Variants in PLXNA2 observed in about 807,000 individuals in gnomAD.
PLXNA2 encodes the protein plexin A2, also known as plexin-A2.
In PLXNA2, 91 loss-of-function variants were observed where a neutral mutation model predicts 193.5. The observed-to-expected ratio is 0.47, with a 90% CI of 0.40 to 0.56. The LOEUF is 0.56. PLXNA2 is among the 20% of genes least tolerant of loss of function. The pLI is 0.00. For missense variants in PLXNA2, 1,995 were observed against 2,503.2 expected (o/e 0.80, Z 4.33); for synonymous variants, 997 against 1,027.3 (o/e 0.97, Z 0.56).
Position 208,206,766 on chromosome 1 carries a change from G to GTT in PLXNA2, c.1371+3512_1371+3513dup, listed in dbSNP as rs896776741. 3.6e-3 allele frequency among the ~76,000 whole-genome samples: 417 copies of GTT among 116,680 alleles called. 1 individual carries two copies. The highest frequency in any genetic ancestry group is 5.6e-3 in the African/African-American group (172 of 30,470). 76.5% of individuals were successfully genotyped at this position (116,680 alleles called of 152,430 possible). On this transcript the variant is annotated intron_variant, in intron 3 of 31. Transcript: ENST00000367033. ...AGCTTATGCAGCATTGCACATATAG[G>GTT]TTTTTTTTTTTTTTTTTTTTTTGAG... is the stretch of plus-strand genomic sequence containing the variant.
Position 208,028,197 on chromosome 1 carries a change from A to G in PLXNA2, c.5439-38T>C, listed in dbSNP as rs1207250721. Reference sequence around the variant, plus strand: ...GGATAGGCGCCTTGGTGGAGGCCTCAGCAAACATTTACCTATAGCTACCCC... The same window carrying G: ...GGATAGGCGCCTTGGTGGAGGCCTCGGCAAACATTTACCTATAGCTACCCC... On this transcript the variant is annotated intron_variant, in intron 30 of 31. Coordinates refer to ENST00000367033, the MANE Select transcript of PLXNA2 (RefSeq NM_025179.4). The surrounding 1 kb of genome is among the most constrained non-coding windows in gnomAD (Gnocchi z 4.2). 1 of 1,566,822 alleles carries G rather than the reference A, an allele frequency of 6.4e-7. No individual in the cohort carries two copies. Among genetic ancestry groups the G allele is most frequent in the Non-Finnish European group, 8.7e-7 (1 of 1,154,214 alleles).
chr1:208,179,896 C>G (rs1669781668), intron 3 of PLXNA2, among the ~76,000 whole-genome samples: 1 of 152,170 alleles, frequency 6.6e-6, no homozygotes, highest in South Asian at 2.1e-4. Context: ...CCTAAGGCAT[C>G]TTTCTTACTC....
At chr1:208,155,477 C>T (rs939996163) in intron 3 of PLXNA2, among the ~76,000 whole-genome samples, 5 of 152,216 alleles carry the variant, frequency 3.3e-5, no homozygotes, top group African/African-American at 4.8e-5. Flanking sequence ...CCCACACCCC[C>T]ACTCTTCTAG....
intron 1 of PLXNA2, among the ~76,000 whole-genome samples, chr1:208,228,443 GCCTTCC>G (rs1444600939): frequency 6.6e-6 from 1 of 152,062 alleles, no homozygotes; most frequent in Non-Finnish European, 1.5e-5. Context: ...CACCATCCAG[GCCTTCC>G]TCTGAGATGG....
intron 13 of PLXNA2, among the ~76,000 whole-genome samples, chr1:208,055,248 C>T (rs989185292): frequency 7.2e-5 from 11 of 152,136 alleles, no homozygotes; most frequent in Admixed American, 2.6e-4. Flanking sequence ...CTCACACTAA[C>T]GGGAGAGCTG....
At chr1:208,107,835 G>A (rs975732144) in intron 4 of PLXNA2, among the ~76,000 whole-genome samples, 2 of 152,028 alleles carry the variant, frequency 1.3e-5, no homozygotes, top group African/African-American at 4.8e-5. Flanking sequence ...TACAATGGGA[G>A]GCCCTTCTCC....
intron 3 of PLXNA2, among the ~76,000 whole-genome samples, chr1:208,153,267 T>C (rs1287329930): frequency 6.6e-6 from 1 of 152,086 alleles, no homozygotes; most frequent in African/African-American, 2.4e-5. Context: ...CCTAATGGGG[T>C]AGGCGCTACT....
intron 4 of PLXNA2, among the ~76,000 whole-genome samples, chr1:208,138,780 A>C (rs1359480663): frequency 6.6e-6 from 1 of 152,228 alleles, no homozygotes; most frequent in Non-Finnish European, 1.5e-5. Flanking sequence ...TAATCCCAGC[A>C]CTTTGGGAGG....
intron 4 of PLXNA2, among the ~76,000 whole-genome samples, chr1:208,121,612 A>G (rs1667809724): frequency 6.6e-6 from 1 of 152,050 alleles, no homozygotes; most frequent in Non-Finnish European, 1.5e-5. Flanking sequence ...GGTGCCTTCC[A>G]CCATGATTGT....
At chr1:208,036,166 A>G (rs1441269764) in intron 26 of PLXNA2, among the ~76,000 whole-genome samples, 1 of 152,088 alleles carries the variant, frequency 6.6e-6, no homozygotes, top group African/African-American at 2.4e-5. Flanking sequence ...GGCAGTCTCT[A>G]CCTCCGTCTT....
intron 5 of PLXNA2, among the ~76,000 whole-genome samples, chr1:208,100,728 G>C (rs1333651709): frequency 1.3e-5 from 2 of 152,224 alleles, no homozygotes; most frequent in African/African-American, 4.8e-5. Context: ...GACAGACAAG[G>C]CGCTGCAGCC....
At chr1:208,185,361 G>A (rs1486474224) in intron 3 of PLXNA2, among the ~76,000 whole-genome samples, 2 of 152,144 alleles carry the variant, frequency 1.3e-5, no homozygotes, top group Non-Finnish European at 2.9e-5. Context: ...GCCTCTCCTC[G>A]CTGCAGAGCT....
At chr1:208,043,317 G>A in intron 20 of PLXNA2, 114 bp from the exon 21 acceptor site, 1 of 953,654 alleles carries the variant, frequency 1.0e-6, no homozygotes, top group Non-Finnish European at 1.6e-6. Context: ...AGACTCTGAG[G>A]ATTACGGGAG....
Position 208,202,559 on chromosome 1 carries a change from C to A in PLXNA2, c.1371+7721G>T, listed in dbSNP as rs149922320. 2.8e-4 allele frequency among the ~76,000 whole-genome samples: 43 copies of A among 152,216 alleles called. No homozygotes were observed. In the East Asian group the frequency reaches 6.4e-3, roughly 23 times the overall value. ...CCTACCCGAAGGCAGGAGAGTGGAC[C>A]AGGTGGTCTTTGTAAGTCCCTTCCG... On this transcript the variant is annotated intron_variant, in intron 3 of 31. Transcript: ENST00000367033.
chr1:208,072,082 A>C (rs1665995528), intron 12 of PLXNA2, among the ~76,000 whole-genome samples: 1 of 152,224 alleles, frequency 6.6e-6, no homozygotes, highest in Non-Finnish European at 1.5e-5. Context: ...TTAAGGTATC[A>C]AAAATTATTT....
Position 208,159,899 on chromosome 1 carries a change from AT to A in PLXNA2, c.1372-17437del, listed in dbSNP as rs567850728. 4.3e-3 allele frequency among the ~76,000 whole-genome samples: 661 copies of A among 151,982 alleles called. 1 individual carries two copies. The highest frequency in any genetic ancestry group is 0.014 in the Middle Eastern group (4 of 294). On this transcript the variant is annotated intron_variant, in intron 3 of 31. Transcript: ENST00000367033. ...GGGCTGGTGGGCTGGCACTTGGGGG[AT>A]TTTACAGCCTGCTGGTTGAGGTGCC...
intron 3 of PLXNA2, among the ~76,000 whole-genome samples, chr1:208,180,223 G>T (rs111370584): frequency 6.6e-6 from 1 of 151,968 alleles, no homozygotes; most frequent in African/African-American, 2.4e-5. Flanking sequence ...GCTGGGAAAG[G>T]GGGTGGAGTG....
chr1:208,139,913 T>A (rs1175478672), intron 4 of PLXNA2, among the ~76,000 whole-genome samples: 1 of 152,176 alleles, frequency 6.6e-6, no homozygotes, highest in Non-Finnish European at 1.5e-5. Flanking sequence ...TTTACGGCTC[T>A]CCAGGTGACA....
rs1367137434 is a variant in PLXNA2, at chr1:208,042,120, G to A, written c.4264C>T (p.His1422Tyr). 2 of 1,614,132 alleles carry A rather than the reference G, an allele frequency of 1.2e-6. No individual in the cohort carries two copies. The highest frequency in any genetic ancestry group is 1.7e-5 in the Admixed American group (1 of 60,022). The change falls in exon 22 of 32, where the codon CAC (histidine) becomes TAC (tyrosine). Residue 1422 changes from histidine to tyrosine, a missense_variant. By Grantham distance (83) the His-to-Tyr change is moderately conservative. Coordinates refer to ENST00000367033, the MANE Select transcript of PLXNA2 (RefSeq NM_025179.4). ...GACCTCCGGAGTAGCAGCTTGGGGT[G>A]GTTCTTGTTCTCCAGGTTCTTATCG... ...LIDKNLENKN[H>Y]PKLLLRRTES...
Sources: allele counts gnomAD v4.1 joint callset (sites outside exome capture counted in the v4.1 genomes callset), GRCh38; gene constraint gnomAD v4.1.1; non-coding constraint Gnocchi (gnomAD v3.1); transcripts MANE v1.5; gene names NCBI Gene and HGNC (gene_info 2026-07-23, HGNC 2026-07-21).